ANO1: variants seen among roughly 807,000 people sequenced by gnomAD.
ANO1 encodes the protein anoctamin 1.
Under a neutral mutation model 124.0 loss-of-function variants are expected in ANO1, and 59 were observed. The ratio of observed to expected loss-of-function variants is 0.48; its 90% CI spans 0.39 to 0.59. ANO1 has a LOEUF of 0.59. Among genes scored for constraint, ANO1 ranks in the 20% least tolerant of loss-of-function variants. ANO1 has a pLI of 0.00. For missense variants in ANO1, 1,059 were observed against 1,328.0 expected, an observed-to-expected ratio of 0.80 and a Z score of 3.15; for synonymous variants, 529 against 532.0, an observed-to-expected ratio of 0.99 and a Z score of 0.08.
At chr11:70,044,564 AG>A (rs1467626658) in intron 1 of ANO1, among the ~76,000 whole-genome samples, 1 of 152,192 alleles carries the variant, frequency 6.6e-6, no homozygotes, top group African/African-American at 2.4e-5. Flanking sequence ...ATAATGAAGA[AG>A]GAAAGTTATT....
intron 25 of ANO1, 59 bp from the exon 26 acceptor site, chr11:70,187,679 T>C: frequency 6.5e-7 from 1 of 1,543,042 alleles, no homozygotes; most frequent in Non-Finnish European, 8.8e-7. Flanking sequence ...GGCAGAGAGG[T>C]CAGGAGCACT....
At chr11:69,976,757 A>G in the ANO1 span, among the ~76,000 whole-genome samples, 2 of 152,168 alleles carry the variant, frequency 1.3e-5, no homozygotes, top group Non-Finnish European at 2.9e-5. Flanking sequence ...AGCATCTGCT[A>G]TGGCAGCTGG....
intron 22 of ANO1, among the ~76,000 whole-genome samples, chr11:70,178,566 C>CTT (rs35759051): frequency 2.8e-5 from 4 of 141,264 alleles, no homozygotes; most frequent in African/African-American, 1.0e-4. Context: ...GGGTATTTCT[C>CTT]TTTTTTTTTT....
intron 2 of ANO1, among the ~76,000 whole-genome samples, chr11:70,090,617 G>A (rs779442191): frequency 2.0e-5 from 3 of 152,150 alleles, no homozygotes; most frequent in Non-Finnish European, 4.4e-5. Flanking sequence ...GCGGCAAGAA[G>A]GACGAGAAAA....
At chr11:70,109,238 C>T (rs1217289893) in intron 6 of ANO1, among the ~76,000 whole-genome samples, 1 of 152,192 alleles carries the variant, frequency 6.6e-6, no homozygotes. Flanking sequence ...GACCATCTTG[C>T]TGCCTTGGCT....
chr11:70,137,237 G>A lies in ANO1; in HGVS notation c.1258+5158G>A, dbSNP rs540212977. On this transcript the variant is annotated intron_variant, in intron 11 of 25. Transcript: ENST00000355303. ...GTTTATCACACTGTATCCGAACAGCGGAGAACCTGTCCCCATTTCACAGAG... is the reference window on the plus strand; with the variant it reads ...GTTTATCACACTGTATCCGAACAGCAGAGAACCTGTCCCCATTTCACAGAG... Among the ~76,000 whole-genome samples the A allele has an allele frequency of 6.1e-5, 9 of 146,776 alleles. 1 individual carries two copies. In the South Asian group the frequency reaches 7.2e-4, roughly 12 times the overall value.
intron 19 of ANO1, among the ~76,000 whole-genome samples, chr11:70,165,166 T>A (rs2048205221): frequency 1.3e-5 from 2 of 152,180 alleles, no homozygotes; most frequent in South Asian, 4.1e-4. Context: ...CTCCACCCTC[T>A]GCCGCCATGT....
chr11:70,079,837 T>C (rs1413756366), intron 1 of ANO1, among the ~76,000 whole-genome samples: 1 of 152,228 alleles, frequency 6.6e-6, no homozygotes, highest in Admixed American at 6.5e-5. Context: ...CAGCAGGGAC[T>C]CTGGCCTTGG....
rs370332270 is a variant in ANO1, at chr11:70,132,011, C to T, written c.1190C>T (p.Thr397Met). Residue 397 changes from threonine (T) to methionine (M), a missense_variant, in exon 11 of 26, where the codon ACG becomes ATG. Thr to Met is a moderately conservative substitution (Grantham distance 81, BLOSUM62 -1). Transcript: ENST00000355303. ...TGGAAGATGAGCTCAGCCTGCGCCA[C>T]GGCCCGCGCCAGCCACCTCTTCGAC... ...SYWKMSSACA[T>M]ARASHLFDNP... 14 of 1,607,162 alleles carry T rather than the reference C, an allele frequency of 8.7e-6. No individual in the cohort carries two copies. The highest frequency in any genetic ancestry group is 4.5e-5 in the East Asian group (2 of 44,734).
At chr11:70,084,560 C>T (rs2135201657) in intron 1 of ANO1, among the ~76,000 whole-genome samples, 1 of 152,314 alleles carries the variant, frequency 6.6e-6, no homozygotes, top group Non-Finnish European at 1.5e-5. Flanking sequence ...TGTCCAGAGC[C>T]TCCCCCAGGC....
At chr11:70,085,213 G>A (rs768646725) in intron 1 of ANO1, among the ~76,000 whole-genome samples, 7 of 152,218 alleles carry the variant, frequency 4.6e-5, no homozygotes, top group Admixed American at 2.0e-4. Flanking sequence ...CAGGCCCCCC[G>A]TGCTGGCTAC....
Position 70,159,578 on chromosome 11 carries a change from G to A in ANO1, c.1579-1583G>A, listed in dbSNP as rs117181895. 6.5e-4 allele frequency among the ~76,000 whole-genome samples: 99 copies of A among 152,342 alleles called. 1 individual carries two copies. The East Asian group carries it at 0.018, about 28-fold the overall frequency. On this transcript the variant is annotated intron_variant, in intron 16 of 25. Transcript: ENST00000355303. ...CAAACGTTGGTTGAGCACCTAGGAT[G>A]TGCCCCACACGCCCCTGGTCCTGGG...
At chr11:70,050,727 G>A (rs186031705) in intron 1 of ANO1, among the ~76,000 whole-genome samples, 1 of 152,290 alleles carries the variant, frequency 6.6e-6, no homozygotes, top group African/African-American at 2.4e-5. Context: ...AAATTAAAAG[G>A]CAGAAGACGT....
At chr11:70,118,908 G>C (rs148421219) in intron 8 of ANO1, among the ~76,000 whole-genome samples, 416 of 149,714 alleles carry the variant, frequency 2.8e-3, no homozygotes, top group Non-Finnish European at 4.6e-3. Flanking sequence ...ATGGATGCAT[G>C]CTGGAGGGAT....
chr11:69,998,116 G>C (rs4014448), intron 1 of ANO1, among the ~76,000 whole-genome samples: 124,867 of 152,118 alleles, frequency 0.82, 52,824 homozygotes, highest in East Asian at 0.97. Context: ...CATGCATTCA[G>C]CACACTCCTC....
chr11:70,050,679 T>C (rs1387558647), intron 1 of ANO1, among the ~76,000 whole-genome samples: 1 of 152,170 alleles, frequency 6.6e-6, no homozygotes, highest in Non-Finnish European at 1.5e-5. Flanking sequence ...CTCACAAATG[T>C]TTAGTGCTTA....
chr11:70,153,888 C>A (rs2047700841), intron 14 of ANO1, among the ~76,000 whole-genome samples: 1 of 152,082 alleles, frequency 6.6e-6, no homozygotes, highest in Non-Finnish European at 1.5e-5. Flanking sequence ...GCCTCAGCCT[C>A]CCGGGTACCT....
chr11:69,986,437 G>C (rs1856043320), intron 1 of ANO1, among the ~76,000 whole-genome samples: 1 of 152,090 alleles, frequency 6.6e-6, no homozygotes, highest in South Asian at 2.1e-4. Flanking sequence ...GCTGGGGCTG[G>C]GGGCGCCGCC....
upstream of ANO1, among the ~76,000 whole-genome samples, chr11:69,984,418 T>C (rs1320692215): frequency 1.4e-5 from 2 of 144,140 alleles, no homozygotes; most frequent in African/African-American, 5.2e-5. Context: ...TGAAACGAGA[T>C]CATTGCTAAG....
Sources: gnomAD v4.1 joint callset for allele counts (sites outside exome capture counted in the v4.1 genomes callset) on GRCh38, gnomAD v4.1.1 for gene constraint, MANE v1.5 for transcripts, NCBI Gene and HGNC (gene_info 2026-07-23, HGNC 2026-07-21) for gene names.